Variants in TMEM67 observed in about 807,000 individuals in gnomAD.
TMEM67 encodes meckelin.
Under a neutral mutation model 136.6 loss-of-function variants are expected in TMEM67, and 124 were observed. That is an observed-to-expected ratio of 0.91 (90% CI 0.78 to 1.05). TMEM67 has a LOEUF of 1.05. Among genes scored for constraint, TMEM67 ranks in the 50% least tolerant of loss-of-function variants. The probability of loss-of-function intolerance (pLI) is 0.00; values close to 1 mark genes in which losing one functional copy is unlikely to be tolerated. For missense variants in TMEM67, 1,107 were observed against 1,178.4 expected (o/e 0.94, Z 0.89); for synonymous variants, 364 against 390.5 (o/e 0.93, Z 0.80).
intron 1 of TMEM67, 27 bp from the exon 2 acceptor site, chr8:93,755,751 C>CTTTTTTTTTTTT: frequency 4.7e-6 from 3 of 632,464 alleles, no homozygotes; most frequent in South Asian, 4.4e-5. Context: ...ATAAAATTGG[C>CTTTTTTTTTTTT]TTTTTTTTTT....
rs762863190 is a variant in TMEM67 at position 93,809,797 on chromosome 8, A to G, written c.2674A>G (p.Met892Val). The G allele has an allele frequency of 5.1e-6, 8 of 1,571,346 alleles. No individual in the cohort carries two copies. The highest frequency in any genetic ancestry group is 5.3e-6 in the Non-Finnish European group (6 of 1,141,796). ...TTTTCTTTATTAGGTTCATAAGGAA[A>G]TGGATTACTTTATAAAAGATAAGTT... ...GSFIDHVHKEMDYFIKDKLLL... is the reference protein window; with the variant it reads ...GSFIDHVHKEVDYFIKDKLLL... The change falls in exon 26 of 28, where the codon ATG becomes GTG. Residue 892 changes from methionine (M) to valine (V), a missense_variant. Around this residue, in one of 3 missense-constraint regions of TMEM67, gnomAD observed 925 missense variants for 1,002.4 expected, o/e 0.92. Coordinates refer to ENST00000453321, the MANE Select transcript of TMEM67 (RefSeq NM_153704.6).
At chr8:93,799,827 A>T (rs1814789771) in intron 21 of TMEM67, 69 bp downstream of exon 21, 2 of 1,280,320 alleles carry the variant, frequency 1.6e-6, no homozygotes, top group South Asian at 2.4e-5. Flanking sequence ...CTAATTACTG[A>T]TTATCATCAA....
intron 13 of TMEM67, 82 bp from the exon 14 acceptor site, chr8:93,787,762 A>G: frequency 9.1e-7 from 1 of 1,097,136 alleles, no homozygotes. Flanking sequence ...ATTCATATTA[A>G]ATTCAAAAGA....
the TMEM67 span, among the ~76,000 whole-genome samples, chr8:93,824,438 G>A: frequency 6.6e-6 from 1 of 152,152 alleles, no homozygotes; most frequent in Non-Finnish European, 1.5e-5. Context: ...AAGATTTTGT[G>A]CACAAGAGTA....
intron 6 of TMEM67, among the ~76,000 whole-genome samples, chr8:93,767,753 A>G (rs1299377879): frequency 1.5e-5 from 2 of 136,922 alleles, no homozygotes; most frequent in African/African-American, 5.5e-5. Flanking sequence ...ACATGTCCCC[A>G]TCATTCTTTG....
intron 27 of TMEM67, among the ~76,000 whole-genome samples, 199 bp from the exon 28 acceptor site, chr8:93,816,173 A>T (rs963045952): frequency 7.2e-5 from 11 of 152,202 alleles, no homozygotes; most frequent in Non-Finnish European, 1.2e-4. Flanking sequence ...ATAAGAATTT[A>T]CTCTAAATGG....
At chr8:93,806,821 G>C (rs565393519) in intron 23 of TMEM67, among the ~76,000 whole-genome samples, 1 of 151,942 alleles carries the variant, frequency 6.6e-6, no homozygotes, top group Non-Finnish European at 1.5e-5. Flanking sequence ...ATATTCTAAG[G>C]ATAAAGAATA....
At chr8:93,826,571 A>G in the TMEM67 span, among the ~76,000 whole-genome samples, 1 of 152,296 alleles carries the variant, frequency 6.6e-6, no homozygotes, top group East Asian at 1.9e-4. Flanking sequence ...CTGAACTGGA[A>G]GTTCAAAAGT....
At position 93,797,405 on chromosome 8, in the gene TMEM67, G is replaced by C. The variant is rs1408426734; in HGVS notation, c.2035G>C (p.Glu679Gln). ...ATATTTTGTAGCAAATGAATGGAAT[G>C]AAATTCAGACTGTGAGAAAAATTAA... ...RTYFVANEWNEIQTVRKINSL... is the reference protein window; with the variant it reads ...RTYFVANEWNQIQTVRKINSL... Residue 679 changes from glutamate (E) to glutamine (Q), a missense_variant, in exon 20 of 28, where the codon GAA (glutamate) becomes CAA (glutamine). Physicochemically the swap from Glu to Gln is conservative, Grantham distance 29 (BLOSUM62 2). Transcript: ENST00000453321. The C allele has an allele frequency of 3.1e-6, 5 of 1,613,984 alleles. No homozygotes were observed. Among genetic ancestry groups the C allele is most frequent in the Non-Finnish European group, 4.2e-6 (5 of 1,179,876 alleles).
chr8:93,768,277 C>T (rs1200162726), intron 6 of TMEM67, among the ~76,000 whole-genome samples: 1 of 124,462 alleles, frequency 8.0e-6, no homozygotes, highest in East Asian at 2.6e-4. Context: ...CACATACATA[C>T]ATACACACAC....
At chr8:93,778,105 T>TA (rs1362458505) in intron 7 of TMEM67, among the ~76,000 whole-genome samples, 4 of 152,232 alleles carry the variant, frequency 2.6e-5, no homozygotes, top group Non-Finnish European at 5.9e-5. Context: ...TACCATTATG[T>TA]AATGCCCTTC....
At chr8:93,775,113 A>G (rs1443859903) in intron 7 of TMEM67, among the ~76,000 whole-genome samples, 1 of 152,218 alleles carries the variant, frequency 6.6e-6, no homozygotes, top group Non-Finnish European at 1.5e-5. Context: ...ACCAGTGATG[A>G]CGAGCATTTT....
intron 2 of TMEM67, among the ~76,000 whole-genome samples, 193 bp from the exon 3 acceptor site, chr8:93,758,290 G>A (rs539168975): frequency 6.6e-6 from 1 of 152,294 alleles, no homozygotes; most frequent in South Asian, 2.1e-4. Flanking sequence ...TCAGGACATA[G>A]TGATAATATA....
At chr8:93,808,484 C>CTATAATAGATCTATTATAGATATTTATT (rs1313968065) in intron 23 of TMEM67, among the ~76,000 whole-genome samples, 1 of 143,642 alleles carries the variant, frequency 7.0e-6, no homozygotes, top group Non-Finnish European at 1.5e-5. Flanking sequence ...AGATATTTAT[C>CTATAATAGATCTATTATAGATATTTATT]TATAATAGAT....
chr8:93,818,712 CCAT>C (rs1261651595), downstream of TMEM67, among the ~76,000 whole-genome samples: 2 of 152,132 alleles, frequency 1.3e-5, no homozygotes, highest in Non-Finnish European at 2.9e-5. Flanking sequence ...AAGTCATTTG[CCAT>C]CATTGAGCTT....
intron 13 of TMEM67, among the ~76,000 whole-genome samples, chr8:93,787,058 CA>C (rs1168305048): frequency 7.2e-5 from 11 of 152,174 alleles, no homozygotes; most frequent in African/African-American, 2.7e-4. Flanking sequence ...AGCATTTCTT[CA>C]GTCTGCTAAT....
At chr8:93,828,183 C>T in the TMEM67 span, among the ~76,000 whole-genome samples, 1 of 152,088 alleles carries the variant, frequency 6.6e-6, no homozygotes, top group Non-Finnish European at 1.5e-5. Context: ...TCCAAACCAC[C>T]GCTCCCCAGT....
the TMEM67 span, among the ~76,000 whole-genome samples, chr8:93,831,672 T>TTG: frequency 6.6e-6 from 1 of 151,062 alleles, no homozygotes; most frequent in Admixed American, 6.6e-5. Flanking sequence ...ATGCATGTGC[T>TTG]TGTGTGTGTG....
At chr8:93,760,004 C>T in intron 3 of TMEM67, 1 of 1,489,050 alleles carries the variant, frequency 6.7e-7, no homozygotes, top group Non-Finnish European at 9.0e-7. Flanking sequence ...GTGAGTATTA[C>T]TGAGGGATAT....
Sources: allele counts gnomAD v4.1 joint callset (sites outside exome capture counted in the v4.1 genomes callset), GRCh38; gene constraint gnomAD v4.1.1; regional missense constraint gnomAD v4.1.1; transcripts MANE v1.5; gene names NCBI Gene and HGNC (gene_info 2026-07-23, HGNC 2026-07-21).